Variants in GLRA2 observed in about 807,000 individuals in gnomAD.
The protein encoded by GLRA2 is glycine receptor subunit alpha-2.
Under a neutral mutation model 31.6 loss-of-function variants are expected in GLRA2, and 11 were observed. That is an observed-to-expected ratio of 0.35 (90% CI 0.22 to 0.58). The LOEUF is 0.58. GLRA2 is among the 20% of genes least tolerant of loss of function. The pLI, the probability that GLRA2 is intolerant of heterozygous loss-of-function variation, is 0.84. For missense variants in GLRA2, 212 were observed against 351.8 expected (o/e 0.60, Z 3.18); for synonymous variants, 132 against 134.0 (o/e 0.99, Z 0.10).
the GLRA2 span, among the ~76,000 whole-genome samples, chrX:14,489,110 G>A: frequency 8.9e-6 from 1 of 112,153 alleles, no homozygotes; most frequent in Non-Finnish European, 1.9e-5. Context: ...GTCTGCAAGT[G>A]TTATGGTTAA....
the GLRA2 span, among the ~76,000 whole-genome samples, chrX:14,480,207 GTTAT>G: frequency 1.8e-5 from 2 of 111,823 alleles, no homozygotes; most frequent in Non-Finnish European, 3.8e-5. Context: ...TTTTAATGGG[GTTAT>G]TTGTTTTTTG....
At chrX:14,645,387 G>A (rs182397539) in intron 7 of GLRA2, among the ~76,000 whole-genome samples, 1 of 111,417 alleles carries the variant, frequency 9.0e-6, no homozygotes, top group Non-Finnish European at 1.9e-5. Context: ...GCTGCACATG[G>A]TTCATATTTT....
At chrX:14,584,400 T>C (rs1290924263) in intron 4 of GLRA2, among the ~76,000 whole-genome samples, 3 of 111,814 alleles carry the variant, frequency 2.7e-5, no homozygotes, top group East Asian at 2.8e-4. Context: ...TATATAAATT[T>C]ATTACCAAAA....
chrX:14,564,682 C>A (rs1396100551), intron 2 of GLRA2, among the ~76,000 whole-genome samples: 1 of 111,426 alleles, frequency 9.0e-6, no homozygotes, highest in Non-Finnish European at 1.9e-5. Flanking sequence ...ATATAATCTG[C>A]AACAACAAAA....
chrX:14,549,548 C>T (rs764078155), intron 2 of GLRA2, among the ~76,000 whole-genome samples: 4 of 111,426 alleles, frequency 3.6e-5, no homozygotes, highest in Admixed American at 9.6e-5. Context: ...GGTTAGAAAA[C>T]GGGCAAGATT....
intron 8 of GLRA2, among the ~76,000 whole-genome samples, chrX:14,710,613 G>T (rs766024434): frequency 9.0e-6 from 1 of 111,724 alleles, no homozygotes; most frequent in Non-Finnish European, 1.9e-5. Context: ...TATTATGTAC[G>T]TCAAAGATAA....
the GLRA2 span, among the ~76,000 whole-genome samples, chrX:14,463,441 A>G: frequency 2.7e-5 from 3 of 111,653 alleles, no homozygotes; most frequent in Non-Finnish European, 3.8e-5. Context: ...TTGTTCAGAT[A>G]TTCCCTGCCC....
the GLRA2 span, among the ~76,000 whole-genome samples, chrX:14,514,866 C>T: frequency 9.1e-6 from 1 of 110,286 alleles, no homozygotes; most frequent in Non-Finnish European, 1.9e-5. Context: ...GTGTACAATC[C>T]TTGCCTTTCC....
chrX:14,723,606 T>A (rs1405673456), intron 8 of GLRA2, among the ~76,000 whole-genome samples: 1 of 111,861 alleles, frequency 8.9e-6, no homozygotes, highest in Non-Finnish European at 1.9e-5. Context: ...GGGCCCTATA[T>A]GATGTAGCCC....
At chrX:14,674,561 G>C (rs1241352370) in intron 7 of GLRA2, among the ~76,000 whole-genome samples, 1 of 111,462 alleles carries the variant, frequency 9.0e-6, no homozygotes, top group Admixed American at 9.5e-5. Context: ...CCATGAAACT[G>C]GAATGTGTGG....
the GLRA2 span, among the ~76,000 whole-genome samples, chrX:14,481,590 A>G: frequency 8.9e-6 from 1 of 112,042 alleles, no homozygotes; most frequent in Non-Finnish European, 1.9e-5. Flanking sequence ...AATGGAAGAT[A>G]GAAAATCACC....
chrX:14,474,342 C>T, the GLRA2 span, among the ~76,000 whole-genome samples: 5 of 111,437 alleles, frequency 4.5e-5, no homozygotes, highest in East Asian at 2.8e-4. Flanking sequence ...GAATACTTTA[C>T]GCCTCCAGCT....
intron 7 of GLRA2, among the ~76,000 whole-genome samples, chrX:14,615,930 CA>C (rs1227504677): frequency 9.0e-6 from 1 of 111,133 alleles, no homozygotes; most frequent in Non-Finnish European, 1.9e-5. Flanking sequence ...AATCAAATAC[CA>C]GCATGATATG....
At chrX:14,487,748 A>G in the GLRA2 span, among the ~76,000 whole-genome samples, 1 of 112,062 alleles carries the variant, frequency 8.9e-6, no homozygotes, top group Admixed American at 9.5e-5. Flanking sequence ...GTCTTGCAGA[A>G]TAAAATCCAT....
chrX:14,728,384 C>G (rs185642409), intron 8 of GLRA2, among the ~76,000 whole-genome samples: 3 of 111,070 alleles, frequency 2.7e-5, no homozygotes, highest in African/African-American at 9.8e-5. Flanking sequence ...CAGAGTGAGA[C>G]TGTCTCAAAA....
chrX:14,722,857 GATACTT>G (rs2091882505), intron 8 of GLRA2, among the ~76,000 whole-genome samples: 1 of 112,265 alleles, frequency 8.9e-6, no homozygotes, highest in Admixed American at 9.4e-5. Context: ...CATGCAGAAT[GATACTT>G]ATAATTTCAT....
intron 7 of GLRA2, among the ~76,000 whole-genome samples, chrX:14,650,027 T>C (rs1172578205): frequency 8.9e-6 from 1 of 111,844 alleles, no homozygotes; most frequent in Non-Finnish European, 1.9e-5. Context: ...TAAAGCTTAA[T>C]AGGAATATTT....
chrX:14,554,574 CTCTT>C (rs982384464), intron 2 of GLRA2, among the ~76,000 whole-genome samples: 2 of 111,795 alleles, frequency 1.8e-5, no homozygotes, highest in African/African-American at 6.5e-5. Flanking sequence ...GAGCAATAAT[CTCTT>C]TCTTTTTTAA....
At chrX:14,718,516 T>C (rs1357201276) in intron 8 of GLRA2, among the ~76,000 whole-genome samples, 1 of 112,151 alleles carries the variant, frequency 8.9e-6, no homozygotes, top group Non-Finnish European at 1.9e-5. Context: ...TGCTCAGGAA[T>C]TTGTAAAAGG....
Sources: gnomAD v4.1 joint callset for allele counts (sites outside exome capture counted in the v4.1 genomes callset) on GRCh38, gnomAD v4.1.1 for gene constraint, MANE v1.5 for transcripts, NCBI Gene and HGNC (gene_info 2026-07-23, HGNC 2026-07-21) for gene names.